The following MTMR3 variants were observed in gnomAD, a reference collection of about 807,000 sequenced individuals.
MTMR3 encodes the protein phosphatidylinositol-3,5-bisphosphate 3-phosphatase MTMR3.
A neutral mutation model predicts 132.4 loss-of-function variants in MTMR3; 32 were observed. That is an observed-to-expected ratio of 0.24 (90% confidence interval 0.18 to 0.32). The LOEUF (loss-of-function observed/expected upper bound fraction) is 0.32. Among genes scored for constraint, MTMR3 ranks in the 10% least tolerant of loss-of-function variants. The pLI is 1.00. For missense variants in MTMR3, 1,216 were observed against 1,489.6 expected, an observed-to-expected ratio of 0.82 and a Z score of 3.02; for synonymous variants, 556 against 550.3, an observed-to-expected ratio of 1.01 and a Z score of -0.14.
chr22:29,949,519 AAAC>A (rs1198686183), intron 1 of MTMR3, among the ~76,000 whole-genome samples: 2 of 146,096 alleles, frequency 1.4e-5, no homozygotes, highest in East Asian at 2.3e-4. Flanking sequence ...CAAAAAAAAA[AAAC>A]AACACACGTA....
intron 2 of MTMR3, among the ~76,000 whole-genome samples, chr22:29,968,084 T>C (rs1409069772): frequency 6.6e-6 from 1 of 152,182 alleles, no homozygotes; most frequent in Non-Finnish European, 1.5e-5. Flanking sequence ...GGACATACCT[T>C]GTCAGTTCTC....
chr22:29,909,520 T>G (rs982301431), intron 1 of MTMR3, among the ~76,000 whole-genome samples: 1 of 152,146 alleles, frequency 6.6e-6, no homozygotes, highest in Non-Finnish European at 1.5e-5. Context: ...CTCCTTAGTT[T>G]CCCTCTTTAT....
rs1460443562 is a variant in MTMR3 at position 30,026,877 on chromosome 22, CTCTTCTTG to C, written c.*1077_*1084del. The C allele has an allele frequency of 7.2e-5, 11 of 152,846 alleles. No homozygotes were observed. The highest frequency in any genetic ancestry group is 2.7e-4 in the African/African-American group (11 of 41,466). 9.5% of individuals were successfully genotyped at this position (152,846 alleles called of 1,614,324 possible). Reference sequence around the variant, plus strand: ...CCATACAATCAGCCTTTCTCCTCTTCTCTTCTTGGGACAGGAATAACTGCTGAGCAGTC... The same window carrying C: ...CCATACAATCAGCCTTTCTCCTCTTCGGACAGGAATAACTGCTGAGCAGTC... On this transcript the variant is annotated 3_prime_UTR_variant, in exon 20 of 20. Transcript: ENST00000401950.
At chr22:29,968,271 AT>A (rs1390611774) in intron 2 of MTMR3, among the ~76,000 whole-genome samples, 1 of 152,172 alleles carries the variant, frequency 6.6e-6, no homozygotes, top group Non-Finnish European at 1.5e-5. Context: ...CACTGGAGTT[AT>A]ATTTTGTTAT....
chr22:29,969,697 A>AT (rs1019519546), intron 2 of MTMR3, among the ~76,000 whole-genome samples: 8 of 151,746 alleles, frequency 5.3e-5, no homozygotes, highest in Non-Finnish European at 8.8e-5. Flanking sequence ...TGCCCTGCTA[A>AT]TTTTTTGTAT....
intron 7 of MTMR3, chr22:29,994,245 C>A: frequency 1.7e-6 from 1 of 584,302 alleles, no homozygotes; most frequent in Non-Finnish European, 2.2e-6. Context: ...TATACACAGT[C>A]CACATTGATG....
chr22:29,975,149 T>A (rs896064877), intron 3 of MTMR3, among the ~76,000 whole-genome samples: 1 of 152,228 alleles, frequency 6.6e-6, no homozygotes, highest in Non-Finnish European at 1.5e-5. Context: ...GAAGCAGCTC[T>A]GATGGTTTCC....
In MTMR3 at chr22:29,988,569, G is replaced by T; in HGVS notation, c.293+7G>T. Reference sequence around the variant, plus strand: ...AAGACTGCAAAGTTATCAGGTATGTGGTATGGTATGTTTGTGTTGCTGTTT... The same window carrying T: ...AAGACTGCAAAGTTATCAGGTATGTTGTATGGTATGTTTGTGTTGCTGTTT... On this transcript the variant is annotated splice_region_variant and intron_variant, in intron 6 of 19. Transcript: ENST00000401950. 1 of 1,597,292 alleles carries T rather than the reference G, an allele frequency of 6.3e-7. No homozygotes were observed. Among genetic ancestry groups the T allele is most frequent in the South Asian group, 1.1e-5 (1 of 89,276 alleles).
intron 15 of MTMR3, 39 bp downstream of exon 15, chr22:30,016,737 G>C: frequency 6.4e-7 from 1 of 1,574,774 alleles, no homozygotes; most frequent in Non-Finnish European, 8.6e-7. Context: ...GTCAGCAGAA[G>C]GAATTTGGGG....
chr22:29,970,936 T>A, intron 2 of MTMR3, 40 bp from the exon 3 acceptor site: 1 of 592,630 alleles, frequency 1.7e-6, no homozygotes, highest in Non-Finnish European at 2.4e-6. Context: ...TCCCCTCCTC[T>A]TTTTTTTTTC....
In MTMR3 at chr22:29,979,539, G is replaced by C. The variant is rs565170759; in HGVS notation, c.210+487G>C. The C allele has an allele frequency of 5.7e-5, 12 of 211,558 alleles. No homozygotes were observed. The East Asian group carries it at 1.9e-3, about 33-fold the overall frequency. 13.1% of individuals were successfully genotyped at this position (211,558 alleles called of 1,614,324 possible). On this transcript the variant is annotated intron_variant, in intron 5 of 19. Transcript: ENST00000401950. ...ACAAAACACACTAGATCAGCAAGCA[G>C]CTCTTATGCTTGATTTAAAATGATG...
chr22:29,968,555 T>C (rs1056544286), intron 2 of MTMR3, among the ~76,000 whole-genome samples: 2 of 152,216 alleles, frequency 1.3e-5, no homozygotes, highest in African/African-American at 4.8e-5. Flanking sequence ...AGTGCCTTTT[T>C]GCACATCTTT....
At chr22:29,967,192 GT>G (rs1249483181) in intron 2 of MTMR3, among the ~76,000 whole-genome samples, 5 of 63,098 alleles carry the variant, frequency 7.9e-5, no homozygotes, top group Admixed American at 2.0e-4. Context: ...CTTCACCTCT[GT>G]TGTGTGTGTG....
chr22:29,903,085 C>T (rs1242673305), intron 1 of MTMR3, among the ~76,000 whole-genome samples: 1 of 152,038 alleles, frequency 6.6e-6, no homozygotes, highest in Non-Finnish European at 1.5e-5. Flanking sequence ...ATTATCTGGG[C>T]GTAATGGCAT....
chr22:30,016,371 G>A, intron 14 of MTMR3, 157 bp from the exon 15 acceptor site: 1 of 692,014 alleles, frequency 1.4e-6, no homozygotes, highest in Non-Finnish European at 2.4e-6. Context: ...GGTGGTGTGA[G>A]GAGGAGGAGG....
chr22:29,888,768 C>CTTTTTTTT (rs3049983), intron 1 of MTMR3, among the ~76,000 whole-genome samples: 1 of 101,880 alleles, frequency 9.8e-6, no homozygotes, highest in Non-Finnish European at 1.9e-5. Context: ...TTAGTTAATA[C>CTTTTTTTT]TTTTTTTTTT....
At chr22:29,910,767 C>G (rs1452506572) in intron 1 of MTMR3, among the ~76,000 whole-genome samples, 1 of 150,714 alleles carries the variant, frequency 6.6e-6, no homozygotes, top group Non-Finnish European at 1.5e-5. Context: ...CATATTTACC[C>G]CTGCCTAAGC....
chr22:29,930,660 C>G (rs1218273279), intron 1 of MTMR3, among the ~76,000 whole-genome samples: 2 of 152,030 alleles, frequency 1.3e-5, no homozygotes, highest in East Asian at 3.8e-4. Context: ...CCACTGCACT[C>G]CAGCCTGGGC....
Position 30,026,712 on chromosome 22 carries a change from T to C in MTMR3, c.*911T>C, listed in dbSNP as rs2067917882. ...CTGGGGCCTGGTCCCCTAAACAATCTCTTCCTCAGCCAGCACAGGGAAATC... is the reference window on the plus strand; with the variant it reads ...CTGGGGCCTGGTCCCCTAAACAATCCCTTCCTCAGCCAGCACAGGGAAATC... On this transcript the variant is annotated 3_prime_UTR_variant, in exon 20 of 20. Transcript: ENST00000401950. 6.5e-6 allele frequency: 1 copy of C among 152,792 alleles called. No individual in the cohort carries two copies. 9.5% of individuals were successfully genotyped at this position (152,792 alleles called of 1,614,324 possible). A position where few individuals can be genotyped will look rare whatever the true frequency, so the allele number is the denominator to read the frequency against.
Sources: gnomAD v4.1 joint callset for allele counts (sites outside exome capture counted in the v4.1 genomes callset) on GRCh38, gnomAD v4.1.1 for gene constraint, MANE v1.5 for transcripts, NCBI Gene and HGNC (gene_info 2026-07-23, HGNC 2026-07-21) for gene names.